The following PPARGC1A variants were observed in gnomAD, a reference collection of about 807,000 sequenced individuals.
PPARGC1A encodes peroxisome proliferator-activated receptor gamma coactivator 1-alpha.
PPARGC1A carries 25 observed loss-of-function variants against 88.7 expected under a neutral mutation model. The ratio of observed to expected loss-of-function variants is 0.28; its 90% CI spans 0.21 to 0.39. The LOEUF (loss-of-function observed/expected upper bound fraction) is 0.39, where lower values mean the gene tolerates loss of function less well. Among genes scored for constraint, PPARGC1A ranks in the 10% least tolerant of loss-of-function variants. PPARGC1A has a pLI of 1.00. For synonymous variants in PPARGC1A, 363 were observed against 355.6 expected, an observed-to-expected ratio of 1.02 and a Z score of -0.24; for missense variants, 880 against 968.7, an observed-to-expected ratio of 0.91 and a Z score of 1.22.
At chr4:24,393,687 C>T in the PPARGC1A span, among the ~76,000 whole-genome samples, 1 of 152,168 alleles carries the variant, frequency 6.6e-6, no homozygotes, top group Non-Finnish European at 1.5e-5. Flanking sequence ...TCCTGCTGCC[C>T]CATTTCTGTC....
At chr4:24,063,390 G>T in the PPARGC1A span, among the ~76,000 whole-genome samples, 1 of 152,260 alleles carries the variant, frequency 6.6e-6, no homozygotes, top group African/African-American at 2.4e-5. Flanking sequence ...TTTAAACAAA[G>T]GGCATTCTCC....
At chr4:24,032,178 T>G in the PPARGC1A span, among the ~76,000 whole-genome samples, 1 of 152,214 alleles carries the variant, frequency 6.6e-6, no homozygotes, top group Non-Finnish European at 1.5e-5. Flanking sequence ...CACCAAGCAC[T>G]TTTCTAAGGA....
At chr4:23,991,226 T>C in the PPARGC1A span, among the ~76,000 whole-genome samples, 1 of 152,058 alleles carries the variant, frequency 6.6e-6, no homozygotes, top group Non-Finnish European at 1.5e-5. Flanking sequence ...CAGATAGCTT[T>C]GTGGTTTTGA....
chr4:24,410,324 C>T, the PPARGC1A span, among the ~76,000 whole-genome samples: 5 of 151,862 alleles, frequency 3.3e-5, no homozygotes, highest in South Asian at 6.3e-4. Flanking sequence ...TACACATACA[C>T]GTATTTTCCT....
At chr4:24,394,496 G>A in the PPARGC1A span, among the ~76,000 whole-genome samples, 7 of 152,166 alleles carry the variant, frequency 4.6e-5, no homozygotes, top group Non-Finnish European at 8.8e-5. Context: ...AGAAGAAAAC[G>A]CTGGTTGTGG....
chr4:24,155,316 C>A, the PPARGC1A span, among the ~76,000 whole-genome samples: 1 of 151,922 alleles, frequency 6.6e-6, no homozygotes, highest in African/African-American at 2.4e-5. Context: ...GGATCTAACA[C>A]TCCCTGTCAA....
At chr4:23,996,437 G>T in the PPARGC1A span, among the ~76,000 whole-genome samples, 3 of 152,104 alleles carry the variant, frequency 2.0e-5, no homozygotes, top group Non-Finnish European at 4.4e-5. Context: ...CTGCAGAACA[G>T]AATACCCCAT....
chr4:24,329,272 C>G, the PPARGC1A span, among the ~76,000 whole-genome samples: 1 of 150,554 alleles, frequency 6.6e-6, no homozygotes, highest in African/African-American at 2.4e-5. Context: ...TTTTTTTTTC[C>G]TCTTCAAGCA....
At chr4:24,101,301 C>T in the PPARGC1A span, among the ~76,000 whole-genome samples, 2 of 152,190 alleles carry the variant, frequency 1.3e-5, no homozygotes, top group Admixed American at 6.5e-5. Flanking sequence ...CGCCTTCTGC[C>T]ATGATTGTAC....
chr4:24,072,468 A>AT, the PPARGC1A span, among the ~76,000 whole-genome samples: 1 of 151,804 alleles, frequency 6.6e-6, no homozygotes, highest in Admixed American at 6.6e-5. Context: ...CCTCCTCTCG[A>AT]TTTTTTCATT....
the PPARGC1A span, among the ~76,000 whole-genome samples, chr4:24,072,408 G>A: frequency 6.6e-6 from 1 of 151,738 alleles, no homozygotes; most frequent in African/African-American, 2.4e-5. Flanking sequence ...AGAAACAGGT[G>A]GGGTTACCTG....
the PPARGC1A span, among the ~76,000 whole-genome samples, chr4:24,265,228 G>A: frequency 2.0e-5 from 3 of 152,176 alleles, no homozygotes; most frequent in South Asian, 6.2e-4. Context: ...AGGCAGACTT[G>A]GGCGTATTTT....
chr4:23,991,462 C>T, the PPARGC1A span, among the ~76,000 whole-genome samples: 1 of 151,924 alleles, frequency 6.6e-6, no homozygotes, highest in South Asian at 2.1e-4. Flanking sequence ...GCCCTTCAAA[C>T]CTGGGGGCTC....
chr4:24,465,958 T>C, the PPARGC1A span, among the ~76,000 whole-genome samples: 1 of 152,248 alleles, frequency 6.6e-6, no homozygotes, highest in East Asian at 1.9e-4. Flanking sequence ...TGATAGGGTT[T>C]TGATACATCT....
chr4:24,085,955 A>G, the PPARGC1A span, among the ~76,000 whole-genome samples: 2 of 152,176 alleles, frequency 1.3e-5, no homozygotes, highest in Admixed American at 6.5e-5. Context: ...TAAGGAGTCA[A>G]TGATTCTGTA....
chr4:23,840,240 A>C (rs1422163590), intron 2 of PPARGC1A, among the ~76,000 whole-genome samples: 1 of 152,052 alleles, frequency 6.6e-6, no homozygotes. Flanking sequence ...CGGATAGTGC[A>C]CATAATCAGC....
At chr4:23,959,359 A>G in the PPARGC1A span, among the ~76,000 whole-genome samples, 5 of 152,116 alleles carry the variant, frequency 3.3e-5, no homozygotes, top group African/African-American at 4.8e-5. Context: ...GGTAAAATGA[A>G]ATGTGCCCCT....
chr4:23,844,808 T>TAATATATGATATATATTATA (rs1560429426), intron 2 of PPARGC1A, among the ~76,000 whole-genome samples: 19 of 50,562 alleles, frequency 3.8e-4, no homozygotes, highest in South Asian at 1.9e-3. Context: ...TATATATTAT[T>TAATATATGATATATATTATA]ATAATATATG....
the PPARGC1A span, among the ~76,000 whole-genome samples, chr4:24,470,477 G>A: frequency 1.3e-5 from 2 of 152,114 alleles, no homozygotes; most frequent in Non-Finnish European, 2.9e-5. This position sits in a 1 kb window ranked among gnomAD's most constrained non-coding sequence, Gnocchi z 5.8. Flanking sequence ...TAGCCTGAAG[G>A]AAGCCACCGG....
Sources: gnomAD v4.1 joint callset for allele counts (sites outside exome capture counted in the v4.1 genomes callset) on GRCh38, gnomAD v4.1.1 for gene constraint, Gnocchi (gnomAD v3.1) non-coding constraint, MANE v1.5 for transcripts, NCBI Gene and HGNC (gene_info 2026-07-23, HGNC 2026-07-21) for gene names.